The following OR52I2 variants were observed in gnomAD, a reference collection of about 807,000 sequenced individuals.
The protein encoded by OR52I2 is olfactory receptor 52I2.
For synonymous variants in OR52I2, 147 were observed against 151.9 expected, an observed-to-expected ratio of 0.97 and a Z score of 0.24; for missense variants, 350 against 402.4, an observed-to-expected ratio of 0.87 and a Z score of 1.11.
exon 2 of OR52I2, chr11:4,588,591 T>G (rs557365453): frequency 6.6e-6 from 1 of 152,222 alleles, no homozygotes; most frequent in Non-Finnish European, 1.5e-5. Flanking sequence ...GTTGAAAAAC[T>G]CATCTTCCTT....
chr11:4,585,856 AT>A (rs1172588080), intron 1 of OR52I2, among the ~76,000 whole-genome samples: 1 of 152,194 alleles, frequency 6.6e-6, no homozygotes, highest in Non-Finnish European at 1.5e-5. Context: ...TGTTTGATCT[AT>A]TTTACAAATG....
chr11:4,587,091 G>C, exon 2 of OR52I2: 1 of 1,614,146 alleles, frequency 6.2e-7, no homozygotes, highest in African/African-American at 1.3e-5. Context: ...ATTGCTTTCT[G>C]TGTGTTCTGG....
At chr11:4,586,728 T>C in intron 1 of OR52I2, 144 bp from the exon 2 acceptor site, 1 of 1,077,256 alleles carries the variant, frequency 9.3e-7, no homozygotes. Flanking sequence ...ATAAAAGTGG[T>C]ACAGGATAAT....
intron 1 of OR52I2, among the ~76,000 whole-genome samples, chr11:4,584,592 T>C (rs997930495): frequency 1.5e-4 from 23 of 152,294 alleles, no homozygotes; most frequent in African/African-American, 4.6e-4. Context: ...GGCTTTCTTA[T>C]TAAAGATGGG....
At chr11:4,583,104 G>C (rs1846271994) in intron 1 of OR52I2, among the ~76,000 whole-genome samples, 1 of 152,176 alleles carries the variant, frequency 6.6e-6, no homozygotes, top group South Asian at 2.1e-4. Context: ...ATCCTTGATG[G>C]AGATGACATT....
At chr11:4,587,974 C>T in exon 2 of OR52I2, 1 of 882,960 alleles carries the variant, frequency 1.1e-6, no homozygotes, top group Non-Finnish European at 1.8e-6. Flanking sequence ...AAAGGATATC[C>T]TTGCATAACT....
exon 2 of OR52I2, chr11:4,589,778 G>A (rs1846337415): frequency 6.6e-6 from 1 of 152,148 alleles, no homozygotes; most frequent in African/African-American, 2.4e-5. Flanking sequence ...TATCCAGGTA[G>A]GAAGAAAGGG....
chr11:4,582,263 C>T (rs1846262937), intron 1 of OR52I2, among the ~76,000 whole-genome samples: 1 of 152,018 alleles, frequency 6.6e-6, no homozygotes, highest in African/African-American at 2.4e-5. Flanking sequence ...GGGAAAGGCT[C>T]TACTCAAATG....
exon 2 of OR52I2, chr11:4,592,570 G>C (rs903688315): frequency 3.3e-5 from 5 of 152,154 alleles, no homozygotes; most frequent in African/African-American, 4.8e-5. Context: ...CTTGTAAGGA[G>C]TCTTCTCAGA....
At chr11:4,589,826 C>G (rs1465782009) in exon 2 of OR52I2, 1 of 152,118 alleles carries the variant, frequency 6.6e-6, no homozygotes. Flanking sequence ...AATGCATATG[C>G]CTTAGTTCTT....
At chr11:4,586,833 G>C (rs776415569) in intron 1 of OR52I2, 39 bp from the exon 2 acceptor site, 3 of 1,613,726 alleles carry the variant, frequency 1.9e-6, no homozygotes, top group South Asian at 2.2e-5. Context: ...AAATCTTACG[G>C]GATTGCATTC....
chr11:4,586,811 A>C (rs1846304640), intron 1 of OR52I2, 61 bp from the exon 2 acceptor site: 1 of 1,611,774 alleles, frequency 6.2e-7, no homozygotes, highest in African/African-American at 1.3e-5. Context: ...TCCCAGCACC[A>C]CATGTGTCAA....
At chr11:4,587,041 A>C in exon 2 of OR52I2, 1 of 1,614,086 alleles carries the variant, frequency 6.2e-7, no homozygotes, top group Non-Finnish European at 8.5e-7. Context: ...CATCATCGTG[A>C]CTGCAATCTG....
exon 2 of OR52I2, chr11:4,589,835 TTTTACC>T (rs1298342691): frequency 9.2e-5 from 14 of 152,190 alleles, no homozygotes; most frequent in African/African-American, 3.4e-4. Flanking sequence ...GCCTTAGTTC[TTTTACC>T]TTTAAGACAT....
chr11:4,582,146 G>A (rs1456740475), intron 1 of OR52I2, among the ~76,000 whole-genome samples: 3 of 152,174 alleles, frequency 2.0e-5, no homozygotes, highest in African/African-American at 7.2e-5. Flanking sequence ...ACAGTTTTCA[G>A]GGACCAAGAG....
rs138050165 is a variant in OR52I2, at chr11:4,582,712, G to C, written c.-20+848G>C. On this transcript the variant is annotated intron_variant, in intron 1 of 1. Transcript: ENST00000641896. ...GGCCTCCCAAAGTGCTGGGATTACA[G>C]GCTGAGCCACCATGTCCGGTCGAAC... Among the ~76,000 whole-genome samples, 527 of 152,172 alleles carry C rather than the reference G, an allele frequency of 3.5e-3. 7 individuals are homozygous for C. Among genetic ancestry groups the C allele is most frequent in the East Asian group, 8.7e-3 (45 of 5,180 alleles).
At chr11:4,582,751 T>G (rs1183478574) in intron 1 of OR52I2, among the ~76,000 whole-genome samples, 2 of 152,062 alleles carry the variant, frequency 1.3e-5, no homozygotes, top group African/African-American at 4.8e-5. Flanking sequence ...TTAAAGCTAC[T>G]TTTCGGTGAT....
intron 1 of OR52I2, among the ~76,000 whole-genome samples, chr11:4,585,396 T>C (rs968975756): frequency 1.3e-4 from 20 of 152,092 alleles, no homozygotes; most frequent in African/African-American, 4.3e-4. Context: ...GCTGGGAAAA[T>C]GTGTCCGTGA....
At chr11:4,590,803 T>C (rs1176677371) in exon 2 of OR52I2, 1 of 152,244 alleles carries the variant, frequency 6.6e-6, no homozygotes, top group Non-Finnish European at 1.5e-5. Context: ...TCAAAAGCTT[T>C]CCCTTGTCTT....
Sources: gnomAD v4.1 joint callset for allele counts (sites outside exome capture counted in the v4.1 genomes callset) on GRCh38, gnomAD v4.1.1 for gene constraint, MANE v1.5 for transcripts, NCBI Gene and HGNC (gene_info 2026-07-23, HGNC 2026-07-21) for gene names.